The following EVL variants were observed in gnomAD, a reference collection of about 807,000 sequenced individuals.
The protein encoded by EVL is ena/VASP-like protein.
EVL carries 21 observed loss-of-function variants against 59.6 expected under a neutral mutation model. The observed-to-expected ratio is 0.35, with a 90% confidence interval of 0.25 to 0.51. The LOEUF is 0.51. Ranked by LOEUF, EVL falls within the 20% of genes least tolerant of loss-of-function variation. EVL has a pLI of 0.97. For synonymous variants in EVL, 198 were observed against 203.5 expected (o/e 0.97, Z 0.23); for missense variants, 462 against 546.6 (o/e 0.85, Z 1.54).
intron 1 of EVL, among the ~76,000 whole-genome samples, chr14:100,081,392 C>T (rs575775839): frequency 6.6e-6 from 1 of 151,498 alleles, no homozygotes; most frequent in African/African-American, 2.4e-5. Flanking sequence ...TATTTTCTTG[C>T]ATTTAGGTTT....
chr14:100,076,673 C>A (rs967965167), intron 1 of EVL, among the ~76,000 whole-genome samples: 1 of 152,168 alleles, frequency 6.6e-6, no homozygotes, highest in South Asian at 2.1e-4. Context: ...CAGCTCGGCT[C>A]GGCTGAGAAA....
intron 11 of EVL, chr14:100,138,587 G>A (rs1170961636): frequency 6.5e-6 from 1 of 152,774 alleles, no homozygotes; most frequent in Non-Finnish European, 1.5e-5. Flanking sequence ...CAGGTGGTGA[G>A]AGCAGAGCAG....
intron 1 of EVL, among the ~76,000 whole-genome samples, chr14:100,027,505 C>T (rs1158970850): frequency 1.3e-5 from 2 of 152,024 alleles, no homozygotes; most frequent in African/African-American, 2.4e-5. Flanking sequence ...ATGTAGTATT[C>T]GTCTCTCTCG....
intron 2 of EVL, among the ~76,000 whole-genome samples, chr14:100,090,172 G>T (rs2062534523): frequency 6.6e-6 from 1 of 152,076 alleles, no homozygotes; most frequent in South Asian, 2.1e-4. Context: ...GAATGAGAAA[G>T]TTGGTTCTTT....
chr14:99,996,341 G>C (rs2060914054), intron 1 of EVL, among the ~76,000 whole-genome samples: 1 of 152,088 alleles, frequency 6.6e-6, no homozygotes, highest in Non-Finnish European at 1.5e-5. Context: ...CTCCATAGGG[G>C]AAGGAGGATC....
chr14:100,058,632 G>A (rs2068749318), intron 1 of EVL, among the ~76,000 whole-genome samples: 1 of 152,076 alleles, frequency 6.6e-6, no homozygotes, highest in Non-Finnish European at 1.5e-5. Flanking sequence ...CACTCCTGCA[G>A]TACATGGTTA....
chr14:100,107,230 C>T (rs1012993853), intron 3 of EVL: 3 of 398,582 alleles, frequency 7.5e-6, no homozygotes, highest in Non-Finnish European at 1.3e-5. Context: ...TCATCGTCTC[C>T]CATTACTCCA....
intron 3 of EVL, among the ~76,000 whole-genome samples, chr14:100,112,270 C>G (rs1055297136): frequency 6.6e-6 from 1 of 152,164 alleles, no homozygotes; most frequent in Non-Finnish European, 1.5e-5. Context: ...GAGGCCCTGC[C>G]CCCTGCCTAT....
Position 100,109,794 on chromosome 14 carries a change from G to A in EVL, c.358+12136G>A, listed in dbSNP as rs1427545562. On this transcript the variant is annotated intron_variant, in intron 3 of 13. Coordinates refer to ENST00000392920, the MANE Select transcript of EVL (RefSeq NM_016337.3). The surrounding 1 kb of genome is among the most constrained non-coding windows in gnomAD (Gnocchi z 4.3). ...GAGGAACACGCCTTCTCCAGCCACA[G>A]CCTATGGAAGGGCCTTCAGCTGCTG... is the stretch of plus-strand genomic sequence containing the variant. The A allele has an allele frequency of 2.1e-6, 1 of 484,612 alleles. No homozygotes were observed. The allele number at this position is 484,612 out of a possible 1,614,324, so 30.0% of individuals were successfully genotyped here.
At chr14:100,020,938 A>T (rs2061113044) in intron 1 of EVL, among the ~76,000 whole-genome samples, 1 of 152,230 alleles carries the variant, frequency 6.6e-6, no homozygotes, top group African/African-American at 2.4e-5. Flanking sequence ...CTGCCCTTAC[A>T]GAGTGACCAG....
intron 1 of EVL, among the ~76,000 whole-genome samples, chr14:99,988,538 T>C (rs2060854850): frequency 6.6e-6 from 1 of 152,216 alleles, no homozygotes; most frequent in Non-Finnish European, 1.5e-5. Context: ...TTTTTCAGAA[T>C]GTTAGACATA....
chr14:100,012,656 G>T (rs1402303398), intron 1 of EVL, among the ~76,000 whole-genome samples: 1 of 152,150 alleles, frequency 6.6e-6, no homozygotes, highest in Non-Finnish European at 1.5e-5. Context: ...TGTGTGCCAG[G>T]CCTGGGGAAA....
At chr14:100,052,297 CCTT>C (rs1263174007) in intron 1 of EVL, among the ~76,000 whole-genome samples, 2 of 152,174 alleles carry the variant, frequency 1.3e-5, no homozygotes, top group Non-Finnish European at 2.9e-5. Context: ...CTATGTCAGA[CCTT>C]CTTTGTAAAT....
intron 1 of EVL, among the ~76,000 whole-genome samples, chr14:100,003,145 C>T (rs2060956201): frequency 1.3e-5 from 2 of 152,122 alleles, no homozygotes; most frequent in Non-Finnish European, 2.9e-5. Flanking sequence ...ATCTCACGCA[C>T]CCCCCTCTTC....
intron 2 of EVL, among the ~76,000 whole-genome samples, chr14:100,092,241 C>T (rs2062580373): frequency 6.6e-6 from 1 of 152,056 alleles, no homozygotes. Context: ...GACCCCATCT[C>T]ATTCTAGGGT....
chr14:100,059,388 C>T (rs1280971743), intron 1 of EVL, among the ~76,000 whole-genome samples: 3 of 152,130 alleles, frequency 2.0e-5, no homozygotes, highest in Non-Finnish European at 4.4e-5. Flanking sequence ...TAGAATTCTA[C>T]GCCACTGAAA....
chr14:100,097,419 C>T (rs764445319), intron 2 of EVL, 62 bp from the exon 3 acceptor site: 5 of 1,456,482 alleles, frequency 3.4e-6, no homozygotes, highest in South Asian at 1.3e-5. Context: ...TCCATCGCAG[C>T]GCCCTCGAGC....
intron 1 of EVL, among the ~76,000 whole-genome samples, chr14:100,048,190 G>A (rs926464250): frequency 6.6e-6 from 1 of 152,144 alleles, no homozygotes; most frequent in Admixed American, 6.5e-5. Flanking sequence ...CTATTATTCT[G>A]TGAAGGATAC....
intron 7 of EVL, 55 bp downstream of exon 7, chr14:100,129,739 C>G: frequency 6.8e-7 from 1 of 1,476,218 alleles, no homozygotes. Context: ...CTCCTGCCCC[C>G]GCCCCCAGCG....
Sources: gnomAD v4.1 joint callset for allele counts (sites outside exome capture counted in the v4.1 genomes callset) on GRCh38, gnomAD v4.1.1 for gene constraint, Gnocchi (gnomAD v3.1) non-coding constraint, MANE v1.5 for transcripts, NCBI Gene and HGNC (gene_info 2026-07-23, HGNC 2026-07-21) for gene names.